PDE4B: variants seen among roughly 807,000 people sequenced by gnomAD.
PDE4B encodes the protein phosphodiesterase 4B.
Under a neutral mutation model 82.2 loss-of-function variants are expected in PDE4B, and 20 were observed. The observed-to-expected ratio is 0.24, with a 90% CI of 0.17 to 0.35. PDE4B has a LOEUF of 0.35. PDE4B is among the 10% of genes least tolerant of loss of function. The probability of loss-of-function intolerance (pLI) is 1.00; values close to 1 mark genes in which losing one functional copy is unlikely to be tolerated. For synonymous variants in PDE4B, 320 were observed against 318.9 expected (o/e 1.00, Z -0.04); for missense variants, 655 against 907.2 (o/e 0.72, Z 3.57).
At chr1:66,049,282 C>A (rs1170545250) in intron 3 of PDE4B, among the ~76,000 whole-genome samples, 16 of 151,986 alleles carry the variant, frequency 1.1e-4, no homozygotes, top group Admixed American at 1.1e-3. Context: ...AATGGAAAAG[C>A]TACAATCTCT....
chr1:65,980,602 C>T (rs756590818), intron 3 of PDE4B, among the ~76,000 whole-genome samples: 3 of 152,012 alleles, frequency 2.0e-5, no homozygotes, highest in Non-Finnish European at 2.9e-5. Context: ...TGAGTTTGTT[C>T]GTATTTGGAT....
chr1:66,243,950 G>A (rs1653090263), intron 3 of PDE4B, among the ~76,000 whole-genome samples: 1 of 152,216 alleles, frequency 6.6e-6, no homozygotes, highest in Non-Finnish European at 1.5e-5. Flanking sequence ...CCCCTTCCAG[G>A]CAGGTATAAG....
At chr1:65,981,656 T>C (rs1650695650) in intron 3 of PDE4B, among the ~76,000 whole-genome samples, 1 of 152,178 alleles carries the variant, frequency 6.6e-6, no homozygotes, top group Non-Finnish European at 1.5e-5. Flanking sequence ...ATTCATCTAA[T>C]GTTTCTGTAA....
intron 1 of PDE4B, among the ~76,000 whole-genome samples, chr1:65,825,926 T>C (rs1439681233): frequency 6.6e-6 from 1 of 152,174 alleles, no homozygotes; most frequent in African/African-American, 2.4e-5. Context: ...TTTACAGTGA[T>C]GGTTTTATCA....
At chr1:66,162,613 G>T (rs1309130306) in intron 3 of PDE4B, among the ~76,000 whole-genome samples, 3 of 151,772 alleles carry the variant, frequency 2.0e-5, no homozygotes, top group Non-Finnish European at 4.4e-5. Context: ...TTTTTTTCAG[G>T]TATTGGAATA....
At chr1:66,284,869 A>G (rs1321342486) in intron 7 of PDE4B, among the ~76,000 whole-genome samples, 2 of 152,124 alleles carry the variant, frequency 1.3e-5, no homozygotes, top group Non-Finnish European at 2.9e-5. Context: ...AGCCACTGAT[A>G]TTTGTTCATC....
At chr1:65,813,911 A>C (rs1042414265) in intron 1 of PDE4B, among the ~76,000 whole-genome samples, 29 of 151,684 alleles carry the variant, frequency 1.9e-4, no homozygotes, top group East Asian at 5.8e-4. Context: ...AAAAAAAAAA[A>C]AACAACAGTT....
At chr1:65,928,481 C>T (rs1007677749) in intron 3 of PDE4B, among the ~76,000 whole-genome samples, 2 of 152,140 alleles carry the variant, frequency 1.3e-5, no homozygotes, top group African/African-American at 4.8e-5. Context: ...GCCCACCTTG[C>T]CTTTGAAGGT....
chr1:66,048,328 A>C (rs1355953863), intron 3 of PDE4B, among the ~76,000 whole-genome samples: 2 of 152,060 alleles, frequency 1.3e-5, no homozygotes, highest in East Asian at 3.9e-4. Context: ...AATCAACTCC[A>C]CTGTCCTCCT....
intron 3 of PDE4B, among the ~76,000 whole-genome samples, chr1:66,026,046 G>C (rs1653415489): frequency 6.6e-6 from 1 of 151,974 alleles, no homozygotes; most frequent in Admixed American, 6.6e-5. Context: ...TTGATCCTTA[G>C]ACTTACAACT....
chr1:66,300,401 A>G (rs1657801285), intron 7 of PDE4B, among the ~76,000 whole-genome samples: 2 of 152,046 alleles, frequency 1.3e-5, no homozygotes. Flanking sequence ...TGGAGAGGAG[A>G]GTGTGGCACC....
chr1:65,911,518 CT>C (rs953774896), intron 1 of PDE4B, among the ~76,000 whole-genome samples: 37 of 146,866 alleles, frequency 2.5e-4, no homozygotes, highest in South Asian at 8.6e-4. Flanking sequence ...GGAGTCTGAA[CT>C]TTTTTTTTTT....
intron 3 of PDE4B, among the ~76,000 whole-genome samples, chr1:66,110,064 T>A (rs1191812595): frequency 6.6e-6 from 1 of 151,932 alleles, no homozygotes; most frequent in Non-Finnish European, 1.5e-5. Context: ...TTTCCAACAC[T>A]GCAGTGGAGT....
At chr1:66,138,636 G>T (rs1051207202) in intron 3 of PDE4B, among the ~76,000 whole-genome samples, 6 of 152,210 alleles carry the variant, frequency 3.9e-5, no homozygotes, top group African/African-American at 1.4e-4. Flanking sequence ...TGTCTGACAG[G>T]TAGGATTAAT....
At chr1:65,895,531 C>G (rs1422405250) in intron 1 of PDE4B, among the ~76,000 whole-genome samples, 1 of 118,026 alleles carries the variant, frequency 8.5e-6, no homozygotes, top group Non-Finnish European at 1.6e-5. Flanking sequence ...GCCTGTGTGA[C>G]AGAGTGAGAC....
chr1:66,090,956 T>C (rs1645010631), intron 3 of PDE4B, among the ~76,000 whole-genome samples: 1 of 151,932 alleles, frequency 6.6e-6, no homozygotes. Flanking sequence ...TGACAGTAGC[T>C]GTCACCACAC....
chr1:65,866,591 A>G lies in PDE4B; in HGVS notation c.-70-46654A>G, dbSNP rs542016659. Among the ~76,000 whole-genome samples, 18 of 152,326 alleles carry G rather than the reference A, an allele frequency of 1.2e-4. No individual in the cohort carries two copies. In the South Asian group the frequency reaches 3.3e-3, roughly 28 times the overall value. Reference sequence around the variant, plus strand: ...GACAAAACTAACTGACAAAATATGAATCCTAAAATATTACTAGGTCACGTA... The same window carrying G: ...GACAAAACTAACTGACAAAATATGAGTCCTAAAATATTACTAGGTCACGTA... On this transcript the variant is annotated intron_variant, in intron 1 of 16. Coordinates refer to ENST00000341517, the MANE Select transcript of PDE4B (RefSeq NM_002600.4).
intron 7 of PDE4B, among the ~76,000 whole-genome samples, chr1:66,283,204 C>A (rs1656416975): frequency 6.6e-6 from 1 of 152,074 alleles, no homozygotes; most frequent in Non-Finnish European, 1.5e-5. Context: ...TTTCTGCATA[C>A]CTCAGTTGCT....
chr1:66,098,248 C>A (rs1011130760), intron 3 of PDE4B, among the ~76,000 whole-genome samples: 2 of 152,102 alleles, frequency 1.3e-5, no homozygotes, highest in African/African-American at 4.8e-5. Flanking sequence ...ATCTCTGGTA[C>A]TTGTTCTTGC....
Sources: gnomAD v4.1 joint callset for allele counts (sites outside exome capture counted in the v4.1 genomes callset) on GRCh38, gnomAD v4.1.1 for gene constraint, MANE v1.5 for transcripts, NCBI Gene and HGNC (gene_info 2026-07-23, HGNC 2026-07-21) for gene names.